The following KCNK2 variants were observed in gnomAD, a reference collection of about 807,000 sequenced individuals.
KCNK2 encodes potassium channel subfamily K member 2.
In KCNK2, 21 loss-of-function variants were observed where a neutral mutation model predicts 40.5. The ratio of observed to expected loss-of-function variants is 0.52; its 90% CI spans 0.37 to 0.75. The LOEUF (loss-of-function observed/expected upper bound fraction) is 0.75, where lower values mean the gene tolerates loss of function less well. Ranked by LOEUF, KCNK2 falls within the 30% of genes least tolerant of loss-of-function variation. The pLI is 0.00. For synonymous variants in KCNK2, 191 were observed against 202.2 expected (o/e 0.94, Z 0.47); for missense variants, 399 against 531.6 (o/e 0.75, Z 2.45).
chr1:215,098,507 C>T lies in KCNK2; in HGVS notation c.357+11829C>T, dbSNP rs74736877. On this transcript the variant is annotated intron_variant, in intron 2 of 6. Coordinates refer to ENST00000444842, the MANE Select transcript of KCNK2 (RefSeq NM_001017425.3). The stretch of plus-strand genomic sequence containing the variant: ...GTGAGATTTTAAAAATTTAATTAAA[C>T]GTCGAATATATTTCTCATTGTTAAA... Among the ~76,000 whole-genome samples, 468 of 151,940 alleles carry T rather than the reference C, an allele frequency of 3.1e-3. 1 individual carries two copies. Among genetic ancestry groups the T allele is most frequent in the African/African-American group, 0.011 (445 of 41,488 alleles).
intron 1 of KCNK2, among the ~76,000 whole-genome samples, chr1:215,040,208 C>G (rs960862244): frequency 6.6e-6 from 1 of 152,156 alleles, no homozygotes; most frequent in Non-Finnish European, 1.5e-5. Flanking sequence ...TAACCCATCT[C>G]TGCTTTATAC....
At chr1:215,213,302 T>A (rs1041084197) in intron 6 of KCNK2, among the ~76,000 whole-genome samples, 1 of 152,156 alleles carries the variant, frequency 6.6e-6, no homozygotes, top group African/African-American at 2.4e-5. Context: ...ATAAGCAGAT[T>A]AAACTTTATA....
chr1:215,230,461 G>A, intron 6 of KCNK2, among the ~76,000 whole-genome samples: 1 of 130,054 alleles, frequency 7.7e-6, no homozygotes, highest in East Asian at 2.2e-4. Flanking sequence ...TGTAGCTCAT[G>A]GCTGTAGATA....
chr1:215,121,020 C>CA (rs1272772284), intron 2 of KCNK2, among the ~76,000 whole-genome samples: 1 of 152,042 alleles, frequency 6.6e-6, no homozygotes, highest in Non-Finnish European at 1.5e-5. Context: ...CTTTATGTGA[C>CA]AAAAATGAAG....
At chr1:215,009,893 T>G (rs1299296507) in intron 1 of KCNK2, among the ~76,000 whole-genome samples, 1 of 152,200 alleles carries the variant, frequency 6.6e-6, no homozygotes, top group Non-Finnish European at 1.5e-5. Flanking sequence ...ATTTATTCAC[T>G]TATATTTTTC....
At chr1:215,188,024 A>AG (rs1664520692) in intron 5 of KCNK2, among the ~76,000 whole-genome samples, 1 of 152,148 alleles carries the variant, frequency 6.6e-6, no homozygotes, top group South Asian at 2.1e-4. Context: ...CAAAAGTTCT[A>AG]GGCAAAAATC....
intron 6 of KCNK2, 39 bp from the exon 7 acceptor site, chr1:215,234,789 T>G (rs746288660): frequency 6.6e-7 from 1 of 1,523,742 alleles, no homozygotes; most frequent in Non-Finnish European, 8.9e-7. Context: ...TTGATCGGCA[T>G]GTCAATATCT....
chr1:215,108,717 A>G (rs1660546773), intron 2 of KCNK2, among the ~76,000 whole-genome samples: 1 of 150,054 alleles, frequency 6.7e-6, no homozygotes, highest in African/African-American at 2.4e-5. Context: ...ACCAAAAGAC[A>G]GCAGACAGCT....
At chr1:215,030,961 G>T (rs555759168) in intron 1 of KCNK2, among the ~76,000 whole-genome samples, 1 of 152,222 alleles carries the variant, frequency 6.6e-6, no homozygotes, top group East Asian at 1.9e-4. Context: ...TTTTTTACAT[G>T]TGGATACTCA....
intron 2 of KCNK2, among the ~76,000 whole-genome samples, chr1:215,123,668 A>C (rs1336110897): frequency 6.6e-6 from 1 of 152,152 alleles, no homozygotes; most frequent in Non-Finnish European, 1.5e-5. Context: ...TGTAACCTTA[A>C]ACCAAACACT....
At chr1:215,065,632 G>A (rs1658512848) in intron 1 of KCNK2, among the ~76,000 whole-genome samples, 1 of 152,146 alleles carries the variant, frequency 6.6e-6, no homozygotes, top group Non-Finnish European at 1.5e-5. Flanking sequence ...GAAGGCAAAC[G>A]ATTTTAGGAA....
intron 6 of KCNK2, among the ~76,000 whole-genome samples, chr1:215,224,363 G>A (rs963702378): frequency 3.9e-5 from 6 of 152,064 alleles, no homozygotes; most frequent in African/African-American, 1.4e-4. Flanking sequence ...AGGATGATAC[G>A]TACTCATGTT....
At chr1:215,045,790 T>A (rs1657747636) in intron 1 of KCNK2, among the ~76,000 whole-genome samples, 1 of 152,184 alleles carries the variant, frequency 6.6e-6, no homozygotes, top group African/African-American at 2.4e-5. Flanking sequence ...AATTTTCCAT[T>A]CTGTTGTCCT....
intron 3 of KCNK2, among the ~76,000 whole-genome samples, chr1:215,154,640 C>T (rs1662833393): frequency 6.6e-6 from 1 of 152,028 alleles, no homozygotes; most frequent in African/African-American, 2.4e-5. Context: ...GCATTTTTGT[C>T]TTGAAATCTT....
chr1:215,052,173 C>T (rs902554260), intron 1 of KCNK2, among the ~76,000 whole-genome samples: 6 of 151,460 alleles, frequency 4.0e-5, no homozygotes, highest in East Asian at 1.9e-4. Flanking sequence ...GTAAACACAC[C>T]GAAAATTAAC....
At chr1:215,141,132 A>G (rs1662154606) in intron 3 of KCNK2, among the ~76,000 whole-genome samples, 1 of 152,146 alleles carries the variant, frequency 6.6e-6, no homozygotes, top group Non-Finnish European at 1.5e-5. Context: ...TATTGATAAC[A>G]TGCATGGAGC....
intron 3 of KCNK2, among the ~76,000 whole-genome samples, chr1:215,125,813 G>A (rs1300010102): frequency 1.4e-5 from 2 of 146,356 alleles, no homozygotes; most frequent in Non-Finnish European, 3.0e-5. Context: ...AGAAAGCCAT[G>A]TTTGTCATTC....
At chr1:215,233,904 G>T (rs1666772643) in intron 6 of KCNK2, among the ~76,000 whole-genome samples, 1 of 152,232 alleles carries the variant, frequency 6.6e-6, no homozygotes, top group Non-Finnish European at 1.5e-5. Flanking sequence ...AGTTTTGAAA[G>T]AGGTCAAAGA....
At chr1:215,093,746 ATATAT>A (rs1451836133) in intron 2 of KCNK2, among the ~76,000 whole-genome samples, 8 of 66,326 alleles carry the variant, frequency 1.2e-4, no homozygotes, top group Non-Finnish European at 1.9e-4. Context: ...TAATATAAAA[ATATAT>A]TATATATTAT....
Sources: gnomAD v4.1 joint callset for allele counts (sites outside exome capture counted in the v4.1 genomes callset) on GRCh38, gnomAD v4.1.1 for gene constraint, MANE v1.5 for transcripts, NCBI Gene and HGNC (gene_info 2026-07-23, HGNC 2026-07-21) for gene names.